CNTN6: variants seen among roughly 807,000 people sequenced by gnomAD.
CNTN6 encodes contactin 6, also known as contactin-6.
A neutral mutation model predicts 122.8 loss-of-function variants in CNTN6; 137 were observed. That is an observed-to-expected ratio of 1.12 (90% confidence interval 0.97 to 1.29). The LOEUF (loss-of-function observed/expected upper bound fraction) is 1.29, where lower values mean the gene tolerates loss of function less well. Among genes scored for constraint, CNTN6 ranks in the 50% most tolerant of loss-of-function variants. The pLI is 0.00. For synonymous variants in CNTN6, 570 were observed against 426.0 expected, an observed-to-expected ratio of 1.34 and a Z score of -4.16; for missense variants, 1,634 against 1,223.4, an observed-to-expected ratio of 1.34 and a Z score of -5.01.
intron 2 of CNTN6, among the ~76,000 whole-genome samples, chr3:1,200,865 G>A (rs984200695): frequency 3.3e-5 from 5 of 151,226 alleles, no homozygotes; most frequent in African/African-American, 1.2e-4. Flanking sequence ...TTTCTCTCAG[G>A]GCATATGCAT....
intron 2 of CNTN6, among the ~76,000 whole-genome samples, chr3:1,208,716 T>C (rs1193120244): frequency 6.6e-6 from 1 of 152,132 alleles, no homozygotes; most frequent in Non-Finnish European, 1.5e-5. Context: ...ATTTCCATTC[T>C]CTAAACCTCA....
rs147446111 is a variant in CNTN6 at position 1,286,919 on chromosome 3, T to A, written c.454+8411T>A. ...AAGCAGAAAAAAGCAGGGGTTGCAATCCTAGTCACTGATAAAACAGACTTT... is the reference window on the plus strand; with the variant it reads ...AAGCAGAAAAAAGCAGGGGTTGCAAACCTAGTCACTGATAAAACAGACTTT... On this transcript the variant is annotated intron_variant, in intron 5 of 22. Transcript: ENST00000446702. Among the ~76,000 whole-genome samples, 716 of 152,166 alleles carry A rather than the reference T, an allele frequency of 4.7e-3. 2 individuals are homozygous for A. The highest frequency in any genetic ancestry group is 0.016 in the African/African-American group (649 of 41,502).
intron 11 of CNTN6, among the ~76,000 whole-genome samples, chr3:1,351,873 G>A (rs1281783302): frequency 5.9e-5 from 9 of 151,808 alleles, no homozygotes; most frequent in Admixed American, 5.9e-4. Context: ...CCATTCTGTG[G>A]CCACAGAAAA....
intron 5 of CNTN6, among the ~76,000 whole-genome samples, chr3:1,291,445 G>A (rs560308403): frequency 1.2e-4 from 18 of 152,154 alleles, no homozygotes; most frequent in Non-Finnish European, 7.3e-5. Context: ...GATTTCTTGG[G>A]CACTAGTGGC....
chr3:1,164,937 T>G (rs1035973525), intron 2 of CNTN6, among the ~76,000 whole-genome samples: 11 of 152,208 alleles, frequency 7.2e-5, no homozygotes, highest in Admixed American at 7.2e-4. Flanking sequence ...TTAACCTTGA[T>G]TTTTAGTGCT....
chr3:1,101,505 C>T (rs527247841), intron 1 of CNTN6, among the ~76,000 whole-genome samples: 3 of 152,286 alleles, frequency 2.0e-5, no homozygotes, highest in Admixed American at 1.3e-4. Flanking sequence ...TGTTCCCATC[C>T]GCTTTCCATC....
At chr3:1,109,676 G>T (rs2091387996) in intron 1 of CNTN6, among the ~76,000 whole-genome samples, 1 of 151,830 alleles carries the variant, frequency 6.6e-6, no homozygotes, top group African/African-American at 2.4e-5. Flanking sequence ...AGTTATATCT[G>T]CAAAAATGAT....
intron 4 of CNTN6, among the ~76,000 whole-genome samples, chr3:1,251,507 A>G (rs1017932948): frequency 8.5e-5 from 13 of 152,308 alleles, no homozygotes; most frequent in African/African-American, 3.1e-4. Context: ...TCAATGATTC[A>G]CTTTCACTTT....
intron 20 of CNTN6, among the ~76,000 whole-genome samples, chr3:1,394,936 A>G (rs984210817): frequency 9.2e-5 from 14 of 152,240 alleles, no homozygotes; most frequent in Non-Finnish European, 1.9e-4. Flanking sequence ...TGCTAAGGAA[A>G]AAGTGAAATA....
At chr3:1,106,768 C>G (rs908533209) in intron 1 of CNTN6, among the ~76,000 whole-genome samples, 1 of 152,080 alleles carries the variant, frequency 6.6e-6, no homozygotes, top group African/African-American at 2.4e-5. Context: ...ATTCTCTGGG[C>G]TCATGGTTAG....
In CNTN6 at chr3:1,268,771, A is replaced by ATG. The variant is rs546952344; in HGVS notation, c.359-9640_359-9639dup. Among the ~76,000 whole-genome samples, 4 of 152,176 alleles carry ATG rather than the reference A, an allele frequency of 2.6e-5. No individual in the cohort carries two copies. In the South Asian group the frequency reaches 8.3e-4, roughly 32 times the overall value. On this transcript the variant is annotated intron_variant, in intron 4 of 22. Transcript: ENST00000446702. ...GTCCTGACTCAGTCTTCAAGAAAAT[A>ATG]TGTCTCGTTACATCATCCGACACTG...
intron 2 of CNTN6, among the ~76,000 whole-genome samples, chr3:1,214,873 C>T (rs759571093): frequency 2.0e-5 from 3 of 152,052 alleles, no homozygotes; most frequent in Admixed American, 1.3e-4. Flanking sequence ...TCTCTCACTT[C>T]GTCTCCCAAG....
chr3:1,318,469 C>A (rs151325814), intron 7 of CNTN6, among the ~76,000 whole-genome samples: 3 of 151,656 alleles, frequency 2.0e-5, no homozygotes, highest in Admixed American at 6.6e-5. Context: ...GATTAGAGCC[C>A]GCTGGGAATT....
chr3:1,343,548 T>C (rs1025946598), intron 11 of CNTN6, among the ~76,000 whole-genome samples: 1 of 152,292 alleles, frequency 6.6e-6, no homozygotes, highest in Admixed American at 6.5e-5. Flanking sequence ...TTGACAAATA[T>C]ACATCTGGCT....
At chr3:1,137,805 G>A (rs1185206306) in intron 1 of CNTN6, among the ~76,000 whole-genome samples, 1 of 152,126 alleles carries the variant, frequency 6.6e-6, no homozygotes, top group Non-Finnish European at 1.5e-5. Context: ...TGGAATTCCA[G>A]ACTGTTTAGG....
At chr3:1,371,531 A>G (rs1228757022) in intron 12 of CNTN6, among the ~76,000 whole-genome samples, 1 of 152,124 alleles carries the variant, frequency 6.6e-6, no homozygotes, top group African/African-American at 2.4e-5. Flanking sequence ...TAAACGAAGT[A>G]GTCATAACGA....
At chr3:1,188,179 G>A (rs2093655194) in intron 2 of CNTN6, among the ~76,000 whole-genome samples, 1 of 152,154 alleles carries the variant, frequency 6.6e-6, no homozygotes, top group Non-Finnish European at 1.5e-5. Flanking sequence ...CAAGGGTAGA[G>A]AGGACTGAAG....
chr3:1,218,735 A>G (rs2094163181), intron 2 of CNTN6, among the ~76,000 whole-genome samples: 1 of 152,170 alleles, frequency 6.6e-6, no homozygotes, highest in South Asian at 2.1e-4. Flanking sequence ...TATAAAATCT[A>G]CGCACACACA....
intron 4 of CNTN6, among the ~76,000 whole-genome samples, chr3:1,239,664 CA>C (rs1367345172): frequency 7.9e-5 from 12 of 152,014 alleles, no homozygotes; most frequent in Non-Finnish European, 1.3e-4. Context: ...TCAGAACTAG[CA>C]AAAACAATCC....
Sources: allele counts gnomAD v4.1 joint callset (sites outside exome capture counted in the v4.1 genomes callset), GRCh38; gene constraint gnomAD v4.1.1; transcripts MANE v1.5; gene names NCBI Gene and HGNC (gene_info 2026-07-23, HGNC 2026-07-21).